The following IFT80 variants were observed in gnomAD, a reference collection of about 807,000 sequenced individuals.
IFT80 encodes the protein intraflagellar transport protein 80 homolog.
IFT80 carries 79 observed loss-of-function variants against 107.9 expected under a neutral mutation model. The observed-to-expected ratio is 0.73, with a 90% CI of 0.61 to 0.88. The LOEUF is 0.88. IFT80 is among the 40% of genes least tolerant of loss of function. The pLI is 0.00. For missense variants in IFT80, 797 were observed against 914.2 expected (o/e 0.87, Z 1.65); for synonymous variants, 299 against 300.9 (o/e 0.99, Z 0.07).
chr3:160,265,514 C>A (rs953914471), intron 19 of IFT80, among the ~76,000 whole-genome samples: 1 of 151,996 alleles, frequency 6.6e-6, no homozygotes, highest in African/African-American at 2.4e-5. Flanking sequence ...TAAATGTATT[C>A]TTTGAGTGGA....
chr3:160,336,287 ATAATT>A (rs1311846921), intron 8 of IFT80, among the ~76,000 whole-genome samples: 2 of 152,228 alleles, frequency 1.3e-5, no homozygotes, highest in Non-Finnish European at 2.9e-5. Flanking sequence ...AGACAATCAA[ATAATT>A]TAAATCACTG....
intron 6 of IFT80, among the ~76,000 whole-genome samples, chr3:160,360,797 C>A (rs1441165395): frequency 1.3e-5 from 2 of 152,110 alleles, no homozygotes; most frequent in Non-Finnish European, 2.9e-5. Context: ...CCTTTACAGA[C>A]AAGCAAATGC....
intron 1 of IFT80, among the ~76,000 whole-genome samples, chr3:160,389,204 G>C (rs1713168514): frequency 1.3e-5 from 2 of 152,114 alleles, no homozygotes; most frequent in African/African-American, 4.8e-5. Flanking sequence ...AAATTGAACT[G>C]TTAAATGGAG....
intron 8 of IFT80, among the ~76,000 whole-genome samples, chr3:160,331,992 G>T (rs1170929242): frequency 6.7e-6 from 1 of 148,804 alleles, no homozygotes; most frequent in Admixed American, 6.8e-5. Flanking sequence ...AAGAAACTGG[G>T]TCATATGTCC....
intron 10 of IFT80, among the ~76,000 whole-genome samples, chr3:160,306,817 A>G (rs1716863088): frequency 6.6e-6 from 1 of 152,206 alleles, no homozygotes; most frequent in Non-Finnish European, 1.5e-5. Flanking sequence ...AGATGATGCT[A>G]TACTTTACAT....
chr3:160,270,291 G>A (rs995837103), intron 18 of IFT80, among the ~76,000 whole-genome samples: 2 of 152,222 alleles, frequency 1.3e-5, no homozygotes, highest in East Asian at 1.9e-4. Context: ...GTGAGCCACC[G>A]TGCCTGGCTT....
In IFT80 at chr3:160,307,736, C is replaced by A; in HGVS notation, c.1003G>T (p.Asp335Tyr). Residue 335 changes from aspartate to tyrosine, a missense_variant, in exon 10 of 20, where the codon GAT becomes TAT. By Grantham distance (160) the Asp-to-Tyr change is radical. Transcript: ENST00000326448. ...NDAVDLLEFR[D>Y]RVIKASLNYA... ...TTCAAAGATGCTTTAATGACTCTAT[C>A]ACGGAATTCCAGTAAATCCACTGCA... 6.2e-7 allele frequency: 1 copy of A among 1,605,176 alleles called. No homozygotes were observed. The highest frequency in any genetic ancestry group is 8.5e-7 in the Non-Finnish European group (1 of 1,172,044).
intron 8 of IFT80, among the ~76,000 whole-genome samples, chr3:160,329,325 T>A (rs1323449896): frequency 1.3e-5 from 2 of 152,178 alleles, no homozygotes; most frequent in African/African-American, 4.8e-5. Flanking sequence ...ACATTTGTAT[T>A]ACTACCCTCT....
intron 8 of IFT80, among the ~76,000 whole-genome samples, chr3:160,322,427 G>A (rs546619712): frequency 4.6e-5 from 7 of 151,906 alleles, no homozygotes; most frequent in Admixed American, 1.3e-4. Flanking sequence ...TCTTAATCCA[G>A]TCTATCATTG....
intron 1 of IFT80, among the ~76,000 whole-genome samples, chr3:160,397,715 A>AC: frequency 1.0e-5 from 1 of 98,802 alleles, no homozygotes; most frequent in Non-Finnish European, 2.0e-5. Flanking sequence ...TTTGGTCTAT[A>AC]CTTTTTTTTT....
chr3:160,376,000 TG>T (rs1178988260), intron 4 of IFT80, 120 bp from the exon 5 acceptor site: 12 of 676,168 alleles, frequency 1.8e-5, no homozygotes, highest in Non-Finnish European at 2.9e-5. Context: ...CTAGGCTTCC[TG>T]AAATCATGGA....
At chr3:160,360,730 A>C (rs923339539) in intron 6 of IFT80, among the ~76,000 whole-genome samples, 2 of 152,236 alleles carry the variant, frequency 1.3e-5, no homozygotes, top group East Asian at 3.8e-4. Context: ...AAGAATTTTC[A>C]ACCCTGAATT....
intron 9 of IFT80, among the ~76,000 whole-genome samples, chr3:160,314,781 C>T (rs1453639645): frequency 1.3e-5 from 2 of 152,000 alleles, no homozygotes; most frequent in Admixed American, 6.6e-5. Context: ...AGAGATCTTC[C>T]CAGAAAGGCA....
intron 2 of IFT80, among the ~76,000 whole-genome samples, chr3:160,383,138 T>C (rs1365881916): frequency 6.6e-6 from 1 of 152,228 alleles, no homozygotes; most frequent in East Asian, 1.9e-4. Context: ...TAAATTGCTA[T>C]AAGTACATGC....
intron 1 of IFT80, among the ~76,000 whole-genome samples, chr3:160,387,078 T>C (rs1576905157): frequency 6.6e-6 from 1 of 152,142 alleles, no homozygotes; most frequent in Admixed American, 6.5e-5. Context: ...AGGATTTCAA[T>C]ACCCCAAAAG....
intron 3 of IFT80, among the ~76,000 whole-genome samples, chr3:160,378,730 G>A (rs1392134416): frequency 6.6e-6 from 1 of 151,354 alleles, no homozygotes; most frequent in Non-Finnish European, 1.5e-5. Context: ...ATTTAAAAAT[G>A]ATAATAATAA....
chr3:160,337,293 T>C (rs1051250960), intron 8 of IFT80, among the ~76,000 whole-genome samples: 6 of 152,190 alleles, frequency 3.9e-5, no homozygotes, highest in African/African-American at 1.4e-4. Context: ...CGTGAGTTCT[T>C]ACATGTTTAT....
intron 1 of IFT80, among the ~76,000 whole-genome samples, chr3:160,385,352 C>T (rs1484507258): frequency 1.3e-5 from 2 of 152,108 alleles, no homozygotes; most frequent in East Asian, 3.8e-4. Flanking sequence ...CAAGAAAATG[C>T]TAAATTGTCT....
intron 8 of IFT80, among the ~76,000 whole-genome samples, chr3:160,347,176 A>G (rs1720350172): frequency 6.6e-6 from 1 of 152,140 alleles, no homozygotes; most frequent in Non-Finnish European, 1.5e-5. Flanking sequence ...AAGCCACACC[A>G]GAACCCAGGT....
Sources: allele counts gnomAD v4.1 joint callset (sites outside exome capture counted in the v4.1 genomes callset), GRCh38; gene constraint gnomAD v4.1.1; transcripts MANE v1.5; gene names NCBI Gene and HGNC (gene_info 2026-07-23, HGNC 2026-07-21).